Variants in PARL observed in about 807,000 individuals in gnomAD.
The protein encoded by PARL is presenilin-associated rhomboid-like protein, mitochondrial.
A neutral mutation model predicts 51.6 loss-of-function variants in PARL; 44 were observed. That is an observed-to-expected ratio of 0.85 (90% CI 0.67 to 1.10). The LOEUF (loss-of-function observed/expected upper bound fraction) is 1.10, where lower values mean the gene tolerates loss of function less well. PARL is among the 50% of genes least tolerant of loss of function. The pLI is 0.00. For missense variants in PARL, 441 were observed against 469.5 expected, an observed-to-expected ratio of 0.94 and a Z score of 0.56; for synonymous variants, 172 against 164.0, an observed-to-expected ratio of 1.05 and a Z score of -0.37.
At chr3:183,842,610 C>G (rs971666996) in intron 5 of PARL, among the ~76,000 whole-genome samples, 163 bp from the exon 6 acceptor site, 1 of 151,702 alleles carries the variant, frequency 6.6e-6, no homozygotes, top group Non-Finnish European at 1.5e-5. Flanking sequence ...GAGTTCAAGA[C>G]CAGCCTGGCC....
intron 1 of PARL, among the ~76,000 whole-genome samples, chr3:183,874,562 C>T (rs1421942620): frequency 6.6e-6 from 1 of 152,076 alleles, no homozygotes; most frequent in Admixed American, 6.6e-5. Context: ...GCACCTGCCA[C>T]CACACCGAGC....
chr3:183,836,073 T>C (rs1728537364), intron 7 of PARL, among the ~76,000 whole-genome samples: 2 of 151,460 alleles, frequency 1.3e-5, no homozygotes, highest in Non-Finnish European at 2.9e-5. Context: ...CAAAATTAGC[T>C]GGGCATGGTC....
At chr3:183,846,219 G>A (rs1332543382) in intron 4 of PARL, among the ~76,000 whole-genome samples, 4 of 152,108 alleles carry the variant, frequency 2.6e-5, no homozygotes, top group Admixed American at 6.6e-5. Flanking sequence ...GGCCGGGTGC[G>A]GTGGCTCACG....
intron 1 of PARL, among the ~76,000 whole-genome samples, chr3:183,875,337 C>T (rs1733670296): frequency 1.4e-5 from 2 of 147,710 alleles, no homozygotes; most frequent in South Asian, 4.2e-4. Context: ...ATCGCTTGAA[C>T]CTGGGAGATG....
chr3:183,840,950 G>A (rs1257337483), intron 6 of PARL, among the ~76,000 whole-genome samples: 5 of 152,084 alleles, frequency 3.3e-5, no homozygotes, highest in East Asian at 3.8e-4. Context: ...GTGAGGGTAC[G>A]GGCATGAATA....
intron 1 of PARL, among the ~76,000 whole-genome samples, chr3:183,883,978 C>T (rs1734836923): frequency 6.6e-6 from 1 of 152,210 alleles, no homozygotes; most frequent in Non-Finnish European, 1.5e-5. Flanking sequence ...TCGAGGCACC[C>T]ATCTAACCAA....
At chr3:183,837,475 G>A (rs537856830) in intron 7 of PARL, among the ~76,000 whole-genome samples, 1 of 152,328 alleles carries the variant, frequency 6.6e-6, no homozygotes, top group South Asian at 2.1e-4. Flanking sequence ...AACAGGCGGT[G>A]TCAGCGGAAA....
intron 4 of PARL, 92 bp downstream of exon 4, chr3:183,862,661 C>T (rs1376767817): frequency 2.2e-6 from 2 of 928,816 alleles, no homozygotes; most frequent in East Asian, 2.4e-5. Context: ...CACTGGTGAG[C>T]ATGGTACAAG....
chr3:183,868,799 G>A (rs1381938096), intron 1 of PARL, among the ~76,000 whole-genome samples: 1 of 152,140 alleles, frequency 6.6e-6, no homozygotes, highest in African/African-American at 2.4e-5. Flanking sequence ...TGTCCTTGAA[G>A]CCACTCCAAA....
intron 1 of PARL, among the ~76,000 whole-genome samples, chr3:183,877,943 A>T (rs1734033381): frequency 1.3e-5 from 2 of 152,056 alleles, no homozygotes; most frequent in Non-Finnish European, 2.9e-5. Flanking sequence ...GGCACACACC[A>T]GCACACCTGG....
chr3:183,840,709 CTTTTTTTTTTTT>C, intron 6 of PARL, 69 bp from the exon 7 acceptor site: 1 of 608,678 alleles, frequency 1.6e-6, no homozygotes, highest in South Asian at 2.1e-5. Flanking sequence ...TTTTTCTTTT[CTTTTTTTTTTTT>C]TTGAGACAGA....
intron 3 of PARL, 102 bp downstream of exon 3, chr3:183,866,520 CATT>C (rs1269522380): frequency 3.8e-5 from 33 of 877,504 alleles, no homozygotes; most frequent in Non-Finnish European, 6.3e-5. Context: ...CATTATTACA[CATT>C]ATGTGAATGC....
At chr3:183,884,548 G>C (rs1463018947) in intron 1 of PARL, among the ~76,000 whole-genome samples, 174 bp downstream of exon 1, 1 of 152,196 alleles carries the variant, frequency 6.6e-6, no homozygotes, top group African/African-American at 2.4e-5. Flanking sequence ...GCTGGGCAAG[G>C]GGAGCGAGAA....
intron 6 of PARL, 103 bp downstream of exon 6, chr3:183,842,195 A>G: frequency 1.8e-6 from 2 of 1,108,836 alleles, no homozygotes; most frequent in Non-Finnish European, 2.8e-6. Context: ...TGTTCTGAGC[A>G]CTCACTACGT....
At chr3:183,868,107 A>C (rs1560421900) in intron 1 of PARL, 47 bp from the exon 2 acceptor site, 2 of 1,389,476 alleles carry the variant, frequency 1.4e-6, no homozygotes, top group Non-Finnish European at 2.0e-6. Flanking sequence ...CGTCTTGCAA[A>C]TATCAACTTC....
chr3:183,840,686 T>C (rs771730462), intron 6 of PARL, 46 bp from the exon 7 acceptor site: 5 of 969,522 alleles, frequency 5.2e-6, no homozygotes, highest in Non-Finnish European at 8.0e-6. Context: ...GGTATAAAAA[T>C]GGTTTACTTT....
chr3:183,829,354 G>A lies in PARL; in HGVS notation c.*244C>T, dbSNP rs142112852. The A allele has an allele frequency of 2.4e-4, 322 of 1,355,702 alleles. No individual in the cohort carries two copies. The African/African-American group carries it at 3.2e-3, about 14-fold the overall frequency. The allele number at this position is 1,355,702 out of a possible 1,614,324, so 84.0% of individuals were successfully genotyped here. A position where few individuals can be genotyped will look rare whatever the true frequency, so the allele number is the denominator to read the frequency against. On this transcript the variant is annotated 3_prime_UTR_variant, in exon 10 of 10. Coordinates refer to ENST00000317096, the MANE Select transcript of PARL (RefSeq NM_018622.7). ...ACAACCAAAGCAAAATGCCAGAGCC[G>A]TGTCGGCCCCTTAAAGAGAGAACAC...
chr3:183,855,820 C>T (rs577137234), intron 4 of PARL, among the ~76,000 whole-genome samples: 16 of 152,034 alleles, frequency 1.1e-4, no homozygotes, highest in Non-Finnish European at 1.5e-4. Context: ...GTTACCCAGG[C>T]GTGATGACAG....
intron 2 of PARL, among the ~76,000 whole-genome samples, chr3:183,867,169 C>T (rs1439247727): frequency 6.6e-6 from 1 of 152,068 alleles, no homozygotes; most frequent in Non-Finnish European, 1.5e-5. Flanking sequence ...CCACCTTGGC[C>T]TCCAGTGCTG....
Sources: gnomAD v4.1 joint callset for allele counts (sites outside exome capture counted in the v4.1 genomes callset) on GRCh38, gnomAD v4.1.1 for gene constraint, MANE v1.5 for transcripts, NCBI Gene and HGNC (gene_info 2026-07-23, HGNC 2026-07-21) for gene names.